The following MICAL3 variants were observed in gnomAD, a reference collection of about 807,000 sequenced individuals.
MICAL3 encodes the protein microtubule associated monooxygenase, calponin and LIM domain containing 3.
Under a neutral mutation model 207.4 loss-of-function variants are expected in MICAL3, and 62 were observed. That is an observed-to-expected ratio of 0.30 (90% CI 0.24 to 0.37). The LOEUF (loss-of-function observed/expected upper bound fraction) is 0.37. MICAL3 is among the 10% of genes least tolerant of loss of function. The pLI, the probability that MICAL3 is intolerant of heterozygous loss-of-function variation, is 1.00. For missense variants in MICAL3, 2,368 were observed against 2,635.6 expected, an observed-to-expected ratio of 0.90 and a Z score of 2.22; for synonymous variants, 1,077 against 1,069.3, an observed-to-expected ratio of 1.01 and a Z score of -0.14.
intron 1 of MICAL3, among the ~76,000 whole-genome samples, chr22:17,924,718 C>G (rs1932875486): frequency 6.6e-6 from 1 of 152,186 alleles, no homozygotes; most frequent in South Asian, 2.1e-4. Flanking sequence ...TGTTAAAGGA[C>G]CTTAATTAAG....
intron 27 of MICAL3, chr22:17,811,113 G>A (rs902246605): frequency 6.5e-6 from 2 of 305,364 alleles, no homozygotes; most frequent in African/African-American, 4.3e-5. Flanking sequence ...GCTGAGTGGG[G>A]ACCGACTGTT....
chr22:17,877,510 TTA>T (rs1928912947), intron 16 of MICAL3, among the ~76,000 whole-genome samples: 5 of 118,764 alleles, frequency 4.2e-5, no homozygotes, highest in Admixed American at 3.2e-4. Flanking sequence ...GTTATGGAGG[TTA>T]GGGAGGTTAG....
intron 1 of MICAL3, among the ~76,000 whole-genome samples, chr22:18,012,429 T>C (rs894531782): frequency 1.3e-5 from 2 of 152,006 alleles, no homozygotes; most frequent in African/African-American, 4.8e-5. Context: ...TCTTTCAAAC[T>C]TTTGGAGGGG....
intron 7 of MICAL3, chr22:17,899,189 A>G (rs1931116780): frequency 1.5e-5 from 8 of 518,864 alleles, no homozygotes; most frequent in Admixed American, 2.8e-5. Flanking sequence ...AACACTGGCC[A>G]CGTGTTGAGA....
At chr22:17,820,363 CTTT>C (rs952399625) in intron 25 of MICAL3, among the ~76,000 whole-genome samples, 1 of 151,546 alleles carries the variant, frequency 6.6e-6, no homozygotes. Flanking sequence ...CTGTAAATTT[CTTT>C]TTTTTTGAGA....
intron 1 of MICAL3, among the ~76,000 whole-genome samples, chr22:17,967,504 C>A (rs11704739): frequency 0.086 from 8,810 of 102,976 alleles, 313 homozygotes; most frequent in South Asian, 0.12. Context: ...CCACACACAC[C>A]CACTCATGCC....
At position 17,899,449 on chromosome 22, in the gene MICAL3, T is replaced by C. The variant is rs1401969793; in HGVS notation, c.947A>G (p.His316Arg). The change falls in exon 7 of 32, where the codon CAT (histidine) becomes CGT (arginine). Residue 316 changes from histidine to arginine, a missense_variant and splice_region_variant. Coordinates refer to ENST00000441493, the MANE Select transcript of MICAL3 (RefSeq NM_015241.3). ...QSLLDKGVILHDYADTELLLS... is the reference protein window; with the variant it reads ...QSLLDKGVILRDYADTELLLS... ...TTTTGAAGGAAATCCGTGGCTCACA[T>C]GTAGTATCACTCCTTTGTCCAGCAA... 5.7e-6 allele frequency: 9 copies of C among 1,590,728 alleles called. No individual in the cohort carries two copies. In the Admixed American group the frequency reaches 1.0e-4, roughly 18 times the overall value.
intron 19 of MICAL3, among the ~76,000 whole-genome samples, chr22:17,853,598 GCAGA>G (rs1473798783): frequency 1.3e-5 from 2 of 152,212 alleles, no homozygotes; most frequent in Non-Finnish European, 2.9e-5. Flanking sequence ...AACAACTTTA[GCAGA>G]CAGAGGAGCA....
At chr22:17,820,882 A>ATTTATAAACATAAATTTTAAATTTATG (rs1569079847) in intron 25 of MICAL3, among the ~76,000 whole-genome samples, 2 of 112,262 alleles carry the variant, frequency 1.8e-5, no homozygotes, top group Non-Finnish European at 2.1e-5. Context: ...ATAAATTTAT[A>ATTTATAAACATAAATTTTAAATTTATG]TTTATAAACA....
chr22:17,913,842 T>C (rs1159343370), intron 1 of MICAL3, among the ~76,000 whole-genome samples: 1 of 152,106 alleles, frequency 6.6e-6, no homozygotes, highest in Non-Finnish European at 1.5e-5. Context: ...CCAAACACAT[T>C]AAAATGTCTG....
chr22:17,929,581 T>TC, intron 1 of MICAL3, among the ~76,000 whole-genome samples: 1 of 146,056 alleles, frequency 6.8e-6, no homozygotes, highest in South Asian at 2.2e-4. Context: ...TTTTTTTTTT[T>TC]TTTTTTGACA....
rs547185857 is a variant in MICAL3, at chr22:17,916,819, T to C, written c.-74-9933A>G. ...ATGGCCCCGGAATCAACTCAGTCTC[T>C]GATCTCTTTTGAAACTACATCTCCT... On this transcript the variant is annotated intron_variant, in intron 1 of 31. Coordinates refer to ENST00000441493, the MANE Select transcript of MICAL3 (RefSeq NM_015241.3). Among the ~76,000 whole-genome samples, 62 of 152,322 alleles carry C rather than the reference T, an allele frequency of 4.1e-4. 1 individual carries two copies. The South Asian group carries it at 0.012, about 31-fold the overall frequency.
chr22:17,992,790 T>G (rs142008937), intron 1 of MICAL3, among the ~76,000 whole-genome samples: 2 of 152,320 alleles, frequency 1.3e-5, no homozygotes, highest in East Asian at 3.9e-4. Flanking sequence ...TTTTGCTCCC[T>G]GAACATTTAT....
chr22:17,815,875 T>C (rs1278628878), intron 27 of MICAL3, among the ~76,000 whole-genome samples: 1 of 152,186 alleles, frequency 6.6e-6, no homozygotes, highest in African/African-American at 2.4e-5. Context: ...GACTGGGCTA[T>C]TGGACGGCAG....
rs1235120705 is a variant in MICAL3, at chr22:17,886,534, G to C, written c.2068-483C>G. ...AATTAGAACAATTTGGCCGGGTGTG[G>C]TGGCTCATGCCTATAATCCCAGCAC... On this transcript the variant is annotated intron_variant, in intron 15 of 31. Transcript: ENST00000441493. Among the ~76,000 whole-genome samples the C allele has an allele frequency of 3.9e-5, 6 of 152,204 alleles. No individual in the cohort carries two copies. In the East Asian group the frequency reaches 1.2e-3, roughly 29 times the overall value.
intron 1 of MICAL3, among the ~76,000 whole-genome samples, chr22:17,969,175 G>T (rs919553509): frequency 6.6e-6 from 1 of 152,158 alleles, no homozygotes; most frequent in East Asian, 1.9e-4. Flanking sequence ...GAGTAGCTGG[G>T]ATTACAGGCG....
intron 1 of MICAL3, among the ~76,000 whole-genome samples, chr22:17,998,987 C>G (rs79916486): frequency 6.6e-6 from 1 of 152,142 alleles, no homozygotes; most frequent in Non-Finnish European, 1.5e-5. Flanking sequence ...TGCTACAAGA[C>G]GGAGAAGGCA....
At chr22:17,928,438 C>CAAAA (rs371390135) in intron 1 of MICAL3, among the ~76,000 whole-genome samples, 10 of 144,602 alleles carry the variant, frequency 6.9e-5, no homozygotes, top group East Asian at 6.0e-4. Context: ...GACTCCGTCT[C>CAAAA]AAAAAAAAAG....
rs2061806563 is a variant in MICAL3 at position 17,789,080 on chromosome 22, GA to G, written c.*1651del. 6.6e-6 allele frequency: 1 copy of G among 152,458 alleles called. No individual in the cohort carries two copies. The highest frequency in any genetic ancestry group is 1.9e-4 in the East Asian group (1 of 5,186). The allele number at this position is 152,458 out of a possible 1,614,324, so 9.4% of individuals were successfully genotyped here. ...AGCTGTACACAGCCAGGCTGGTGCG[GA>G]ACCGTGAGAAAGGAACAGTTTGGCT... On this transcript the variant is annotated 3_prime_UTR_variant, in exon 32 of 32. Coordinates refer to ENST00000441493, the MANE Select transcript of MICAL3 (RefSeq NM_015241.3).
Sources: allele counts gnomAD v4.1 joint callset (sites outside exome capture counted in the v4.1 genomes callset), GRCh38; gene constraint gnomAD v4.1.1; transcripts MANE v1.5; gene names NCBI Gene and HGNC (gene_info 2026-07-23, HGNC 2026-07-21).